The following ACSM3 variants were observed in gnomAD, a reference collection of about 807,000 sequenced individuals.
ACSM3 encodes the protein acyl-CoA synthetase medium chain family member 3, also known as acyl-coenzyme A synthetase ACSM3, mitochondrial.
A neutral mutation model predicts 74.1 loss-of-function variants in ACSM3; 61 were observed. The ratio of observed to expected loss-of-function variants is 0.82; its 90% CI spans 0.67 to 1.02. ACSM3 has a LOEUF of 1.02. Among genes scored for constraint, ACSM3 ranks in the 50% least tolerant of loss-of-function variants. The probability of loss-of-function intolerance (pLI) is 0.00; values close to 1 mark genes in which losing one functional copy is unlikely to be tolerated. For missense variants in ACSM3, 660 were observed against 697.0 expected, an observed-to-expected ratio of 0.95 and a Z score of 0.60; for synonymous variants, 213 against 241.5, an observed-to-expected ratio of 0.88 and a Z score of 1.09.
At chr16:20,683,715 C>CTCTCTCTT (rs1555477280) in intron 1 of ACSM3, among the ~76,000 whole-genome samples, 34 of 136,310 alleles carry the variant, frequency 2.5e-4, no homozygotes, top group Non-Finnish European at 4.0e-4. Context: ...CTCTCTCTCT[C>CTCTCTCTT]TCTTTCTTTC....
At chr16:20,678,568 C>T (rs554414635) in intron 1 of ACSM3, among the ~76,000 whole-genome samples, 5 of 152,184 alleles carry the variant, frequency 3.3e-5, no homozygotes, top group Admixed American at 1.3e-4. Flanking sequence ...CCTTCCTCAC[C>T]GGGACAGAGA....
In ACSM3 at chr16:20,736,891, C is replaced by T. The variant is rs150520129; in HGVS notation, c.-189-13019C>T. 5.6e-6 allele frequency: 9 copies of T among 1,613,632 alleles called. No homozygotes were observed. In the Admixed American group the frequency reaches 1.5e-4, roughly 27 times the overall value. On this transcript the variant is annotated intron_variant, in intron 1 of 3. Coordinates refer to the ACSM3 transcript ENST00000561584. Reference sequence around the variant, plus strand: ...CACCAAATGACTTCCTATGAGAAGTCATTTTCATTTGACTTGGATCCTTCT... The same window carrying T: ...CACCAAATGACTTCCTATGAGAAGTTATTTTCATTTGACTTGGATCCTTCT...
At chr16:20,761,790 C>T (rs985751643), upstream of ACSM3, among the ~76,000 whole-genome samples, 15 of 152,172 alleles carry the variant, frequency 9.9e-5, no homozygotes, top group African/African-American at 3.6e-4. Flanking sequence ...CAAGTGTGCT[C>T]AAGCATGCGT....
chr16:20,682,529 T>C, intron 1 of ACSM3: 1 of 1,344,866 alleles, frequency 7.4e-7, no homozygotes, highest in Non-Finnish European at 1.1e-6. Context: ...TAGACTTGGC[T>C]TGTCTGCATC....
chr16:20,737,059 A>T, intron 1 of ACSM3: 1 of 1,614,024 alleles, frequency 6.2e-7, no homozygotes, highest in Non-Finnish European at 8.5e-7. Flanking sequence ...TTTTGGTCTG[A>T]TTTGTCCGCA....
intron 1 of ACSM3, chr16:20,729,479 G>A (rs534474480): frequency 1.1e-5 from 7 of 659,258 alleles, no homozygotes; most frequent in Non-Finnish European, 2.0e-5. Flanking sequence ...ATTTGAAGTG[G>A]AGAGTGTGCT....
intron 1 of ACSM3, chr16:20,728,439 G>T (rs2079814332): frequency 1.4e-6 from 2 of 1,423,934 alleles, no homozygotes; most frequent in African/African-American, 1.5e-5. Flanking sequence ...AGGGGAAATT[G>T]CCCTCAGACT....
chr16:20,686,255 A>C (rs1215071809), intron 1 of ACSM3, among the ~76,000 whole-genome samples: 1 of 152,190 alleles, frequency 6.6e-6, no homozygotes, highest in Admixed American at 6.5e-5. Context: ...GGGCAGTAAC[A>C]AAGCAGACTA....
intron 1 of ACSM3, among the ~76,000 whole-genome samples, chr16:20,704,525 C>T (rs2079721667): frequency 6.6e-6 from 1 of 152,190 alleles, no homozygotes; most frequent in South Asian, 2.1e-4. Flanking sequence ...CTAGAGTCAA[C>T]ATGTCAGAAT....
intron 1 of ACSM3, chr16:20,738,317 A>T (rs142375586): frequency 2.4e-6 from 1 of 415,862 alleles, no homozygotes; most frequent in Non-Finnish European, 4.7e-6. Flanking sequence ...TTACAAAAAA[A>T]AAAAAAAAAA....
chr16:20,779,191 G>A (rs2080298495), intron 4 of ACSM3, among the ~76,000 whole-genome samples: 1 of 152,126 alleles, frequency 6.6e-6, no homozygotes, highest in Admixed American at 6.5e-5. Flanking sequence ...AGGAGGCTGA[G>A]GTGGGATGAT....
At chr16:20,690,168 C>T (rs944170688) in intron 1 of ACSM3, among the ~76,000 whole-genome samples, 1 of 152,190 alleles carries the variant, frequency 6.6e-6, no homozygotes, top group South Asian at 2.1e-4. Context: ...TACATGAATA[C>T]ATATTCATGG....
At chr16:20,709,462 T>C (rs757336671) in intron 1 of ACSM3, among the ~76,000 whole-genome samples, 2 of 152,216 alleles carry the variant, frequency 1.3e-5, no homozygotes, top group Non-Finnish European at 2.9e-5. Context: ...GTGTATGCAG[T>C]AAAGCCTAAG....
chr16:20,740,938 A>G (rs2079913269), intron 1 of ACSM3, among the ~76,000 whole-genome samples: 1 of 152,228 alleles, frequency 6.6e-6, no homozygotes, highest in Non-Finnish European at 1.5e-5. Context: ...AAAGAGCTTC[A>G]GCACACCGCC....
chr16:20,691,015 G>T, intron 1 of ACSM3: 1 of 1,611,974 alleles, frequency 6.2e-7, no homozygotes, highest in Non-Finnish European at 8.5e-7. Flanking sequence ...TTTGAGCCCA[G>T]TAGTCCAGTA....
At chr16:20,779,108 G>A (rs1472202156) in intron 4 of ACSM3, among the ~76,000 whole-genome samples, 2 of 152,018 alleles carry the variant, frequency 1.3e-5, no homozygotes, top group Non-Finnish European at 2.9e-5. Context: ...TGAACACTTG[G>A]TGTAGCTTTG....
chr16:20,720,383 C>A (rs1037404026), intron 1 of ACSM3, among the ~76,000 whole-genome samples: 2 of 152,238 alleles, frequency 1.3e-5, no homozygotes, highest in Admixed American at 1.3e-4. Context: ...CAACCTAGAT[C>A]TCTCGCATGT....
At chr16:20,730,717 GAAT>G (rs752318610) in intron 1 of ACSM3, among the ~76,000 whole-genome samples, 3 of 151,996 alleles carry the variant, frequency 2.0e-5, no homozygotes, top group Non-Finnish European at 4.4e-5. Flanking sequence ...TAGAATCAAT[GAAT>G]AATATAAATT....
chr16:20,691,872 T>C (rs1208547858), intron 1 of ACSM3, among the ~76,000 whole-genome samples: 2 of 151,916 alleles, frequency 1.3e-5, no homozygotes, highest in East Asian at 3.9e-4. Flanking sequence ...GTGTGCTGTT[T>C]GTGGTTATGA....
Sources: allele counts gnomAD v4.1 joint callset (sites outside exome capture counted in the v4.1 genomes callset), GRCh38; gene constraint gnomAD v4.1.1; transcripts MANE v1.5; gene names NCBI Gene and HGNC (gene_info 2026-07-23, HGNC 2026-07-21).